HTT-AS: variants seen among roughly 807,000 people sequenced by gnomAD.
HTT-AS encodes HTT antisense RNA (head to head).
At chr4:3,054,532 G>C (rs1711771230) in intron 2 of HTT-AS, among the ~76,000 whole-genome samples, 1 of 152,100 alleles carries the variant, frequency 6.6e-6, no homozygotes, top group Admixed American at 6.6e-5. Context: ...CTAGTTTAGA[G>C]GGTTAAAGGG....
intron 1 of HTT-AS, chr4:3,074,306 C>A: frequency 7.6e-6 from 1 of 131,686 alleles, no homozygotes; most frequent in Non-Finnish European, 1.6e-5. Flanking sequence ...GCCCCTACCT[C>A]ACCACGCCCC....
intron 1 of HTT-AS, among the ~76,000 whole-genome samples, chr4:3,071,470 G>A (rs907490716): frequency 1.3e-5 from 2 of 152,074 alleles, no homozygotes; most frequent in African/African-American, 4.8e-5. Flanking sequence ...CATCTCCCTG[G>A]CTAGCACTTA....
chr4:3,073,861 T>C (rs28431418), intron 1 of HTT-AS, among the ~76,000 whole-genome samples: 21,869 of 151,966 alleles, frequency 0.14, 2,524 homozygotes, highest in African/African-American at 0.31. Context: ...TCCGGGTGAG[T>C]ATGGCTCTGG....
chr4:3,050,564 C>A (rs1420403129), intron 2 of HTT-AS, among the ~76,000 whole-genome samples: 1 of 152,128 alleles, frequency 6.6e-6, no homozygotes, highest in East Asian at 1.9e-4. Flanking sequence ...TTTTCAGAAA[C>A]CGCACCAGCA....
At chr4:3,059,924 G>GTT (rs10680478) in intron 2 of HTT-AS, among the ~76,000 whole-genome samples, 2 of 139,282 alleles carry the variant, frequency 1.4e-5, no homozygotes, top group Admixed American at 7.3e-5. Context: ...TGTGTTTTTT[G>GTT]TTTTTTTTTT....
At chr4:3,061,188 A>G (rs1391015412) in intron 2 of HTT-AS, among the ~76,000 whole-genome samples, 1 of 152,168 alleles carries the variant, frequency 6.6e-6, no homozygotes, top group Admixed American at 6.5e-5. Flanking sequence ...ACATGTTCCC[A>G]AGATGGTCGG....
exon 2 of HTT-AS, among the ~76,000 whole-genome samples, chr4:3,063,228 C>T (rs1711978473): frequency 1.3e-5 from 2 of 152,316 alleles, no homozygotes; most frequent in African/African-American, 4.8e-5. Context: ...AGAGGTGTTT[C>T]AGTCCCGAGG....
At chr4:3,054,044 C>T (rs1711764312) in intron 2 of HTT-AS, among the ~76,000 whole-genome samples, 1 of 151,988 alleles carries the variant, frequency 6.6e-6, no homozygotes, top group Non-Finnish European at 1.5e-5. Context: ...AGGTGTGAGC[C>T]ACTGCACCCA....
At chr4:3,064,649 G>A (rs1324792624) in intron 1 of HTT-AS, among the ~76,000 whole-genome samples, 1 of 152,114 alleles carries the variant, frequency 6.6e-6, no homozygotes, top group Non-Finnish European at 1.5e-5. Flanking sequence ...TTCAAGAGAA[G>A]AAGTAAAGTT....
chr4:3,068,274 C>G (rs1182695970), intron 1 of HTT-AS, among the ~76,000 whole-genome samples: 2 of 140,018 alleles, frequency 1.4e-5, no homozygotes, highest in Non-Finnish European at 3.0e-5. Context: ...CCACTGCACT[C>G]CAGCCTGGGT....
chr4:3,060,677 G>A (rs1333573117), intron 2 of HTT-AS, among the ~76,000 whole-genome samples: 1 of 152,210 alleles, frequency 6.6e-6, no homozygotes, highest in African/African-American at 2.4e-5. Context: ...GCTTGCACAG[G>A]TGAATGCTGG....
chr4:3,050,747 A>G (rs1285754949), intron 2 of HTT-AS, among the ~76,000 whole-genome samples: 1 of 152,236 alleles, frequency 6.6e-6, no homozygotes, highest in African/African-American at 2.4e-5. Context: ...ACATATATTA[A>G]TATCATTCAC....
At chr4:3,072,518 G>A (rs1411294964) in intron 1 of HTT-AS, among the ~76,000 whole-genome samples, 2 of 152,234 alleles carry the variant, frequency 1.3e-5, no homozygotes, top group East Asian at 3.8e-4. Flanking sequence ...AATACCAGGA[G>A]GTGAGGGGTG....
At chr4:3,065,877 C>A (rs1468200263) in intron 1 of HTT-AS, among the ~76,000 whole-genome samples, 1 of 152,206 alleles carries the variant, frequency 6.6e-6, no homozygotes, top group Non-Finnish European at 1.5e-5. Flanking sequence ...ATGTGTACTG[C>A]TTTTGCACCA....
downstream of HTT-AS, among the ~76,000 whole-genome samples, chr4:3,046,313 T>C (rs566838593): frequency 2.6e-5 from 4 of 152,212 alleles, no homozygotes; most frequent in Non-Finnish European, 5.9e-5. Context: ...GCTGGGTTGG[T>C]TGCAGCTCGG....
chr4:3,068,469 C>T (rs1359772562), intron 1 of HTT-AS, among the ~76,000 whole-genome samples: 1 of 151,998 alleles, frequency 6.6e-6, no homozygotes, highest in Non-Finnish European at 1.5e-5. Flanking sequence ...ATAGAAGACC[C>T]ACTGTCCAAG....
chr4:3,071,275 A>C (rs74444018), intron 1 of HTT-AS, among the ~76,000 whole-genome samples: 5,392 of 152,248 alleles, frequency 0.035, 296 homozygotes, highest in African/African-American at 0.12. Flanking sequence ...ACAACTGCAC[A>C]CAGTCATCTG....
intron 2 of HTT-AS, among the ~76,000 whole-genome samples, chr4:3,056,070 G>C (rs533577950): frequency 6.6e-6 from 1 of 152,320 alleles, no homozygotes; most frequent in South Asian, 2.1e-4. Flanking sequence ...ATGATCCCCA[G>C]CTGCTCTGAG....
intron 2 of HTT-AS, among the ~76,000 whole-genome samples, chr4:3,053,030 C>T (rs1202332896): frequency 6.6e-6 from 1 of 151,916 alleles, no homozygotes; most frequent in African/African-American, 2.4e-5. Context: ...TTTGGAGATC[C>T]GTTTTGCCTT....
Sources: gnomAD v4.1 joint callset for allele counts (sites outside exome capture counted in the v4.1 genomes callset) on GRCh38, gnomAD v4.1.1 for gene constraint, MANE v1.5 for transcripts, NCBI Gene and HGNC (gene_info 2026-07-23, HGNC 2026-07-21) for gene names.